HADHB: variants seen among roughly 807,000 people sequenced by gnomAD.
HADHB encodes the protein hydroxyacyl-CoA dehydrogenase trifunctional multienzyme complex subunit beta, also known as trifunctional enzyme subunit beta, mitochondrial.
A neutral mutation model predicts 61.9 loss-of-function variants in HADHB; 50 were observed. That is an observed-to-expected ratio of 0.81 (90% CI 0.64 to 1.02). HADHB has a LOEUF of 1.02. Ranked by LOEUF, HADHB falls within the 50% of genes least tolerant of loss-of-function variation. The probability of loss-of-function intolerance (pLI) is 0.00; values close to 1 mark genes in which losing one functional copy is unlikely to be tolerated. For synonymous variants in HADHB, 191 were observed against 201.6 expected (o/e 0.95, Z 0.45); for missense variants, 504 against 586.5 (o/e 0.86, Z 1.45).
At chr2:26,269,898 A>C in intron 4 of HADHB, 55 bp from the exon 5 acceptor site, 1 of 1,187,020 alleles carries the variant, frequency 8.4e-7, no homozygotes, top group Non-Finnish European at 1.3e-6. Context: ...TAGAATGAAA[A>C]TTTTTCATTG....
At chr2:26,264,989 CAAAA>C (rs79294625) in intron 4 of HADHB, among the ~76,000 whole-genome samples, 14 of 100,098 alleles carry the variant, frequency 1.4e-4, no homozygotes, top group Non-Finnish European at 3.0e-4. Context: ...GACCCTGTTT[CAAAA>C]AAAAAAAAAA....
At chr2:26,257,883 G>T (rs903272379) in intron 3 of HADHB, among the ~76,000 whole-genome samples, 3 of 151,934 alleles carry the variant, frequency 2.0e-5, no homozygotes, top group Non-Finnish European at 2.9e-5. Flanking sequence ...GCCGGGCGTG[G>T]TGGCGGGCGC....
intron 5 of HADHB, among the ~76,000 whole-genome samples, chr2:26,272,945 T>G (rs1672405370): frequency 6.6e-6 from 1 of 151,862 alleles, no homozygotes; most frequent in South Asian, 2.1e-4. Flanking sequence ...AAGCCAGGCA[T>G]CATGGCAGGC....
chr2:26,283,819 C>G (rs1253154757), intron 12 of HADHB, among the ~76,000 whole-genome samples: 2 of 152,216 alleles, frequency 1.3e-5, no homozygotes, highest in African/African-American at 4.8e-5. Context: ...ATCAGTCAAG[C>G]CCTTTCCCTT....
At chr2:26,278,089 C>G (rs1574662175) in intron 7 of HADHB, among the ~76,000 whole-genome samples, 1 of 152,184 alleles carries the variant, frequency 6.6e-6, no homozygotes, top group Admixed American at 6.5e-5. Flanking sequence ...GGTGGGCACC[C>G]CACCTCATGT....
rs1672515902 is a variant in HADHB at position 26,275,798 on chromosome 2, A to G, written c.355-1275A>G. On this transcript the variant is annotated intron_variant, in intron 6 of 15. Transcript: ENST00000317799. Reference sequence around the variant, plus strand: ...CACTAACACATTTCTGTTTCTATAGATTATGGTAAATAGCATAAAAGTAAG... The same window carrying G: ...CACTAACACATTTCTGTTTCTATAGGTTATGGTAAATAGCATAAAAGTAAG... Among the ~76,000 whole-genome samples the G allele has an allele frequency of 2.0e-5, 3 of 152,312 alleles. No individual in the cohort carries two copies. The South Asian group carries it at 6.2e-4, about 32-fold the overall frequency.
intron 5 of HADHB, among the ~76,000 whole-genome samples, chr2:26,270,845 TTTTC>T (rs1050390344): frequency 7.2e-5 from 11 of 151,934 alleles, no homozygotes; most frequent in African/African-American, 2.6e-4. Context: ...TGATTTTTCT[TTTTC>T]TTCTGTATCC....
At chr2:26,285,315 CTCTA>C in intron 14 of HADHB, 88 bp from the exon 15 acceptor site, 1 of 1,079,916 alleles carries the variant, frequency 9.3e-7, no homozygotes, top group Non-Finnish European at 1.4e-6. Flanking sequence ...ACGTATTTTC[CTCTA>C]TCTCTCTTAC....
chr2:26,267,645 G>A (rs1419851651), intron 4 of HADHB, among the ~76,000 whole-genome samples: 3 of 151,428 alleles, frequency 2.0e-5, no homozygotes, highest in East Asian at 1.9e-4. Flanking sequence ...GGTGGCAGGC[G>A]CCTATAATCC....
At chr2:26,264,724 A>G (rs1362567017) in intron 4 of HADHB, among the ~76,000 whole-genome samples, 2 of 151,448 alleles carry the variant, frequency 1.3e-5, no homozygotes, top group Admixed American at 1.3e-4. Context: ...GTAATGCTAT[A>G]TGTTGGCCAG....
Position 26,290,180 on chromosome 2 carries a change from A to G in HADHB, c.*227A>G, listed in dbSNP as rs1673212245. 1.7e-6 allele frequency: 1 copy of G among 578,806 alleles called. No individual in the cohort carries two copies. Among genetic ancestry groups the G allele is most frequent in the East Asian group, 3.0e-5 (1 of 33,750 alleles). 35.9% of individuals were successfully genotyped at this position (578,806 alleles called of 1,614,324 possible). On this transcript the variant is annotated 3_prime_UTR_variant, in exon 16 of 16. Coordinates refer to ENST00000317799, the MANE Select transcript of HADHB (RefSeq NM_000183.3). ...TTCTAAGCCACCAGAATCTCACATG[A>G]GATGTGTGGGTGGTTGTTTTTGGTC...
At position 26,277,147 on chromosome 2, in the gene HADHB, A is replaced by C; in HGVS notation, c.429A>C (p.Gln143His). The stretch of plus-strand genomic sequence containing the variant: ...CCATGGCTTGTATCTCTGCCAACCA[A>C]GCCATGACCACAGGTATGTTTAAAT... ...TVTMACISAN[Q>H]AMTTGVGLIA... The change falls in exon 7 of 16, where the codon CAA becomes CAC. Residue 143 changes from glutamine to histidine, a missense_variant. By Grantham distance (24) the Gln-to-His change is conservative (BLOSUM62 0). Coordinates refer to ENST00000317799, the MANE Select transcript of HADHB (RefSeq NM_000183.3). 6.4e-7 allele frequency: 1 copy of C among 1,552,728 alleles called. No individual in the cohort carries two copies. The highest frequency in any genetic ancestry group is 8.9e-7 in the Non-Finnish European group (1 of 1,124,008).
chr2:26,263,396 G>A lies in HADHB; in HGVS notation c.126G>A (p.Thr42=), dbSNP rs1475892789. 9 of 1,609,566 alleles carry A rather than the reference G, an allele frequency of 5.6e-6. No individual in the cohort carries two copies. In the Admixed American group the frequency reaches 6.7e-5, roughly 12 times the overall value. Residue 42 remains threonine (T), a synonymous_variant, in exon 4 of 16, where the codon ACG becomes ACA. Transcript: ENST00000317799. ...ATCTTAAAGCTGTCCAGACCAAAAC[G>A]AAGAAGACGTTAGCCAAACCCAATA... ...LRAAPAVQTK[T]KKTLAKPNIR...
At chr2:26,246,104 A>G (rs1002640048) in intron 1 of HADHB, among the ~76,000 whole-genome samples, 19 of 152,204 alleles carry the variant, frequency 1.2e-4, no homozygotes, top group Admixed American at 9.2e-4. Flanking sequence ...TGACCTGACC[A>G]CTTCTGAATA....
At position 26,290,021 on chromosome 2, in the gene HADHB, T is replaced by C. The variant is rs1435756187; in HGVS notation, c.*68T>C. On this transcript the variant is annotated 3_prime_UTR_variant, in exon 16 of 16. Coordinates refer to ENST00000317799, the MANE Select transcript of HADHB (RefSeq NM_000183.3). Reference sequence around the variant, plus strand: ...CACTAGGCAATGCCATTTCAATGCATTACTAAATGACATTTGTAGTTCCTA... The same window carrying C: ...CACTAGGCAATGCCATTTCAATGCACTACTAAATGACATTTGTAGTTCCTA... 2 of 1,005,624 alleles carry C rather than the reference T, an allele frequency of 2.0e-6. No individual in the cohort carries two copies. Among genetic ancestry groups the C allele is most frequent in the African/African-American group, 3.2e-5 (2 of 63,372 alleles). The allele number at this position is 1,005,624 out of a possible 1,614,324, so 62.3% of individuals were successfully genotyped here. A position where few individuals can be genotyped will look rare whatever the true frequency, so the allele number is the denominator to read the frequency against.
intron 8 of HADHB, 123 bp downstream of exon 8, chr2:26,278,924 T>C (rs1298767099): frequency 9.9e-7 from 1 of 1,013,888 alleles, no homozygotes; most frequent in Non-Finnish European, 1.6e-6. Context: ...AATTACTTGC[T>C]CAAGATGGAA....
chr2:26,269,491 A>G (rs1384760971), intron 4 of HADHB, among the ~76,000 whole-genome samples: 1 of 152,184 alleles, frequency 6.6e-6, no homozygotes, highest in East Asian at 1.9e-4. Context: ...GTGAGCCACC[A>G]TGCTTGGCCT....
intron 7 of HADHB, among the ~76,000 whole-genome samples, chr2:26,277,549 A>G (rs558552116): frequency 6.6e-6 from 1 of 152,324 alleles, no homozygotes; most frequent in African/African-American, 2.4e-5. Context: ...AAGTACTCTT[A>G]ACAGAAGTAA....
intron 3 of HADHB, chr2:26,260,448 C>G (rs1671814682): frequency 6.5e-6 from 1 of 154,756 alleles, no homozygotes; most frequent in Admixed American, 6.3e-5. Context: ...CAAGGTCAGT[C>G]ATGAATAGTG....
Sources: gnomAD v4.1 joint callset for allele counts (sites outside exome capture counted in the v4.1 genomes callset) on GRCh38, gnomAD v4.1.1 for gene constraint, MANE v1.5 for transcripts, NCBI Gene and HGNC (gene_info 2026-07-23, HGNC 2026-07-21) for gene names.